Variants in ARHGAP26 observed in about 807,000 individuals in gnomAD.
The protein encoded by ARHGAP26 is Rho GTPase activating protein 26.
In ARHGAP26, 38 loss-of-function variants were observed where a neutral mutation model predicts 104.8. The ratio of observed to expected loss-of-function variants is 0.36; its 90% confidence interval spans 0.28 to 0.48. The LOEUF (loss-of-function observed/expected upper bound fraction) is 0.48, where lower values mean the gene tolerates loss of function less well. ARHGAP26 is among the 20% of genes least tolerant of loss of function. The pLI, the probability that ARHGAP26 is intolerant of heterozygous loss-of-function variation, is 0.99. For missense variants in ARHGAP26, 704 were observed against 947.9 expected (o/e 0.74, Z 3.38); for synonymous variants, 341 against 340.0 (o/e 1.00, Z -0.03).
At chr5:142,817,875 T>C (rs923007216) in intron 1 of ARHGAP26, among the ~76,000 whole-genome samples, 1 of 152,222 alleles carries the variant, frequency 6.6e-6, no homozygotes, top group African/African-American at 2.4e-5. Context: ...GGACAGAACC[T>C]GAAATCTACT....
intron 20 of ARHGAP26, among the ~76,000 whole-genome samples, chr5:143,187,110 C>G (rs1032233865): frequency 3.3e-5 from 5 of 152,066 alleles, no homozygotes; most frequent in Non-Finnish European, 7.4e-5. Flanking sequence ...TATCACCAAT[C>G]CTATGAGGTG....
intron 20 of ARHGAP26, among the ~76,000 whole-genome samples, chr5:143,152,838 A>C (rs887355043): frequency 6.6e-6 from 1 of 152,246 alleles, no homozygotes; most frequent in African/African-American, 2.4e-5. Context: ...AGCGCAGCTC[A>C]GCATTGGGAC....
chr5:142,811,264 A>G, intron 1 of ARHGAP26, among the ~76,000 whole-genome samples: 1 of 151,946 alleles, frequency 6.6e-6, no homozygotes, highest in Non-Finnish European at 1.5e-5. Flanking sequence ...GAATAACTTC[A>G]CTCTGTATGC....
intron 14 of ARHGAP26, among the ~76,000 whole-genome samples, chr5:143,051,563 G>C (rs1785030951): frequency 6.6e-6 from 1 of 152,224 alleles, no homozygotes; most frequent in Non-Finnish European, 1.5e-5. Flanking sequence ...GCATCAGGAG[G>C]GAGGTGTGGA....
intron 11 of ARHGAP26, among the ~76,000 whole-genome samples, chr5:142,932,980 A>C (rs1444343726): frequency 6.6e-6 from 1 of 152,250 alleles, no homozygotes; most frequent in Non-Finnish European, 1.5e-5. Context: ...ATGACATTTA[A>C]TAATATAGAG....
intron 5 of ARHGAP26, among the ~76,000 whole-genome samples, chr5:142,889,581 C>T (rs918737147): frequency 6.6e-6 from 1 of 151,996 alleles, no homozygotes; most frequent in African/African-American, 2.4e-5. Flanking sequence ...TCATGCCACT[C>T]CACTCCAGCC....
In ARHGAP26 at chr5:143,129,806, A is replaced by G. The variant is rs147132237; in HGVS notation, c.1699-4161A>G. 4.9e-4 allele frequency among the ~76,000 whole-genome samples: 74 copies of G among 152,356 alleles called. 1 individual carries two copies. Among genetic ancestry groups the G allele is most frequent in the African/African-American group, 1.8e-3 (73 of 41,588 alleles). On this transcript the variant is annotated intron_variant, in intron 18 of 22. Coordinates refer to ENST00000645722, the MANE Select transcript of ARHGAP26 (RefSeq NM_001135608.3). ...CCATCTCATGCCTACTCTTTGCCAC[A>G]TACTGCACTGAGCATTTTATGTGCA... is the stretch of plus-strand genomic sequence containing the variant.
At chr5:142,861,591 G>A (rs923918003) in intron 1 of ARHGAP26, among the ~76,000 whole-genome samples, 1 of 152,094 alleles carries the variant, frequency 6.6e-6, no homozygotes, top group Non-Finnish European at 1.5e-5. Flanking sequence ...GGTAGGGGCC[G>A]GGTGGCTTCA....
intron 17 of ARHGAP26, among the ~76,000 whole-genome samples, chr5:143,066,776 A>G (rs3893579): frequency 0.73 from 110,906 of 152,130 alleles, 40,800 homozygotes; most frequent in African/African-American, 0.79. Context: ...GTGTTTGCTT[A>G]GCAGTTTGTG....
At chr5:142,949,164 CCA>C (rs1192915120) in intron 11 of ARHGAP26, among the ~76,000 whole-genome samples, 8,027 of 40,450 alleles carry the variant, frequency 0.2, 1,239 homozygotes, top group South Asian at 0.37. Context: ...AGTTGAATTT[CCA>C]GAGAGAGAGA....
chr5:143,020,618 C>T (rs1205615346), intron 12 of ARHGAP26, among the ~76,000 whole-genome samples: 1 of 140,394 alleles, frequency 7.1e-6, no homozygotes, highest in Non-Finnish European at 1.5e-5. Flanking sequence ...TGTTTTTAAT[C>T]TAGTGCTCTA....
chr5:143,082,315 A>C (rs763183157), intron 17 of ARHGAP26, among the ~76,000 whole-genome samples: 12 of 152,186 alleles, frequency 7.9e-5, no homozygotes, highest in Non-Finnish European at 1.3e-4. Flanking sequence ...GACTGTCACA[A>C]AAATATGGAG....
At chr5:142,863,141 T>C (rs1753666840) in intron 1 of ARHGAP26, among the ~76,000 whole-genome samples, 1 of 151,748 alleles carries the variant, frequency 6.6e-6, no homozygotes, top group Non-Finnish European at 1.5e-5. Context: ...GAAGGAGTCT[T>C]GCTCTGTCAC....
At chr5:143,168,078 A>G (rs1477182998) in intron 20 of ARHGAP26, among the ~76,000 whole-genome samples, 1 of 152,234 alleles carries the variant, frequency 6.6e-6, no homozygotes, top group East Asian at 1.9e-4. Flanking sequence ...TTTGTGATCA[A>G]ATTGGCACTT....
intron 11 of ARHGAP26, among the ~76,000 whole-genome samples, chr5:142,940,117 G>A (rs572655366): frequency 4.6e-5 from 7 of 152,302 alleles, no homozygotes; most frequent in African/African-American, 1.7e-4. Context: ...TTGCTATGAT[G>A]CATCCCAGGC....
intron 1 of ARHGAP26, among the ~76,000 whole-genome samples, chr5:142,823,140 A>G (rs1766526157): frequency 6.6e-6 from 1 of 152,206 alleles, no homozygotes; most frequent in South Asian, 2.1e-4. Context: ...GGTCAGTGTC[A>G]TTCAGCTGGT....
intron 10 of ARHGAP26, among the ~76,000 whole-genome samples, chr5:142,916,161 A>G (rs1307232885): frequency 6.6e-6 from 1 of 152,246 alleles, no homozygotes; most frequent in Non-Finnish European, 1.5e-5. Context: ...ACATTTATGT[A>G]GTGACTAGAA....
intron 12 of ARHGAP26, among the ~76,000 whole-genome samples, chr5:143,027,616 T>C (rs983727214): frequency 1.3e-5 from 2 of 152,198 alleles, no homozygotes; most frequent in African/African-American, 2.4e-5. Flanking sequence ...ATCAGTAGAT[T>C]TCTAATATTC....
At chr5:143,213,462 C>T (rs1238243740) in intron 21 of ARHGAP26, among the ~76,000 whole-genome samples, 1 of 152,206 alleles carries the variant, frequency 6.6e-6, no homozygotes, top group East Asian at 1.9e-4. Context: ...TCCTGTCTCA[C>T]CAGCAAGACC....
Sources: allele counts gnomAD v4.1 joint callset (sites outside exome capture counted in the v4.1 genomes callset), GRCh38; gene constraint gnomAD v4.1.1; transcripts MANE v1.5; gene names NCBI Gene and HGNC (gene_info 2026-07-23, HGNC 2026-07-21).